SLC24A2: variants seen among roughly 807,000 people sequenced by gnomAD.
The protein encoded by SLC24A2 is solute carrier family 24 member 2.
SLC24A2 carries 36 observed loss-of-function variants against 62.0 expected under a neutral mutation model. The observed-to-expected ratio is 0.58, with a 90% confidence interval of 0.44 to 0.77. The LOEUF (loss-of-function observed/expected upper bound fraction) is 0.77. Among genes scored for constraint, SLC24A2 ranks in the 30% least tolerant of loss-of-function variants. The pLI is 0.00. For missense variants in SLC24A2, 846 were observed against 817.9 expected, an observed-to-expected ratio of 1.03 and a Z score of -0.42; for synonymous variants, 358 against 294.0, an observed-to-expected ratio of 1.22 and a Z score of -2.23.
At chr9:19,554,799 G>C (rs1835001745) in intron 7 of SLC24A2, among the ~76,000 whole-genome samples, 1 of 152,112 alleles carries the variant, frequency 6.6e-6, no homozygotes, top group African/African-American at 2.4e-5. Context: ...CAATATATGA[G>C]GCTCTGAGTT....
intron 2 of SLC24A2, among the ~76,000 whole-genome samples, chr9:19,715,561 G>T (rs1293625073): frequency 6.6e-6 from 1 of 152,086 alleles, no homozygotes; most frequent in Non-Finnish European, 1.5e-5. Context: ...TCTGAAAGTC[G>T]AAAGTTTTAT....
the SLC24A2 span, among the ~76,000 whole-genome samples, chr9:20,229,979 T>C: frequency 2.7e-5 from 4 of 150,812 alleles, no homozygotes; most frequent in Non-Finnish European, 2.9e-5. Context: ...TGAGAACATG[T>C]GGTGTTTGGT....
In SLC24A2 at chr9:19,754,141, A is replaced by C. The variant is rs149470870; in HGVS notation, c.930+31796T>G. Among the ~76,000 whole-genome samples the C allele has an allele frequency of 6.3e-4, 96 of 152,338 alleles. No homozygotes were observed. The East Asian group carries it at 0.011, about 17-fold the overall frequency. On this transcript the variant is annotated intron_variant, in intron 2 of 10. Coordinates refer to ENST00000341998, the MANE Select transcript of SLC24A2 (RefSeq NM_020344.4). ...CAGCTTTCACCAAGGTAAGCCACTG[A>C]ATGAATTCCTCAGAGATTCTGTCAA...
At chr9:19,983,237 CAT>C in the SLC24A2 span, among the ~76,000 whole-genome samples, 1 of 152,288 alleles carries the variant, frequency 6.6e-6, no homozygotes, top group Admixed American at 6.5e-5. Context: ...TCACAGATGA[CAT>C]GTTCCTATTT....
At chr9:20,247,898 GAAT>G in the SLC24A2 span, among the ~76,000 whole-genome samples, 13 of 152,090 alleles carry the variant, frequency 8.5e-5, no homozygotes, top group African/African-American at 2.4e-4. Flanking sequence ...TGTGAATTGG[GAAT>G]AATAATAATA....
At chr9:20,305,549 A>C in the SLC24A2 span, among the ~76,000 whole-genome samples, 1 of 152,198 alleles carries the variant, frequency 6.6e-6, no homozygotes, top group African/African-American at 2.4e-5. Flanking sequence ...AAACTCTTCA[A>C]AATGGGAGGG....
the SLC24A2 span, among the ~76,000 whole-genome samples, chr9:20,121,558 A>G: frequency 6.6e-6 from 1 of 152,182 alleles, no homozygotes; most frequent in African/African-American, 2.4e-5. Context: ...GTAGTTACCC[A>G]GGAATACAAA....
chr9:19,811,054 C>A, the SLC24A2 span, among the ~76,000 whole-genome samples: 2 of 152,098 alleles, frequency 1.3e-5, no homozygotes, highest in Non-Finnish European at 2.9e-5. Context: ...TCATTTGCCC[C>A]ACAAAATTCA....
chr9:19,857,101 G>T, the SLC24A2 span, among the ~76,000 whole-genome samples: 1 of 152,226 alleles, frequency 6.6e-6, no homozygotes, highest in Admixed American at 6.5e-5. Flanking sequence ...TAATGTTAAG[G>T]TGGTGGTAGA....
At chr9:19,995,989 G>C in the SLC24A2 span, among the ~76,000 whole-genome samples, 1 of 152,232 alleles carries the variant, frequency 6.6e-6, no homozygotes, top group African/African-American at 2.4e-5. Flanking sequence ...GGTTGGAAGA[G>C]AACCACTACT....
chr9:20,099,725 C>CAA, the SLC24A2 span, among the ~76,000 whole-genome samples: 1 of 152,206 alleles, frequency 6.6e-6, no homozygotes, highest in Non-Finnish European at 1.5e-5. Context: ...AGTAGACTAA[C>CAA]AAGACTTAAC....
chr9:19,834,405 G>A, the SLC24A2 span, among the ~76,000 whole-genome samples: 1 of 152,150 alleles, frequency 6.6e-6, no homozygotes, highest in South Asian at 2.1e-4. Context: ...TGAAAACCAT[G>A]GCATGAGAAC....
chr9:19,798,324 T>G, the SLC24A2 span, among the ~76,000 whole-genome samples: 9 of 152,212 alleles, frequency 5.9e-5, no homozygotes, highest in East Asian at 3.8e-4. Flanking sequence ...TAACATTCTT[T>G]CTTAAAATTC....
At chr9:20,200,421 G>A in the SLC24A2 span, among the ~76,000 whole-genome samples, 9 of 152,210 alleles carry the variant, frequency 5.9e-5, no homozygotes, top group Non-Finnish European at 1.2e-4. Flanking sequence ...CAGTAAAGCA[G>A]CATATGGATG....
At chr9:20,266,741 G>A in the SLC24A2 span, among the ~76,000 whole-genome samples, 30 of 152,136 alleles carry the variant, frequency 2.0e-4, no homozygotes, top group East Asian at 3.9e-4. Context: ...GGAGATTCAC[G>A]GTGCACTTTA....
the SLC24A2 span, among the ~76,000 whole-genome samples, chr9:20,076,536 GA>G: frequency 6.6e-6 from 1 of 152,154 alleles, no homozygotes; most frequent in Admixed American, 6.5e-5. Flanking sequence ...GAAGAGGCAA[GA>G]AAGACTCTCC....
chr9:19,890,988 C>T, the SLC24A2 span, among the ~76,000 whole-genome samples: 1 of 152,152 alleles, frequency 6.6e-6, no homozygotes, highest in East Asian at 1.9e-4. Context: ...CCAAGCCTAC[C>T]TTCTTCTCTG....
chr9:20,269,014 A>T, the SLC24A2 span, among the ~76,000 whole-genome samples: 1 of 152,202 alleles, frequency 6.6e-6, no homozygotes, highest in South Asian at 2.1e-4. Flanking sequence ...GTTGCTAAGA[A>T]TTATTTTTAG....
chr9:20,250,467 C>T, the SLC24A2 span, among the ~76,000 whole-genome samples: 3 of 152,214 alleles, frequency 2.0e-5, no homozygotes, highest in Non-Finnish European at 4.4e-5. Flanking sequence ...GGAGCCATAA[C>T]CACTTGATCA....
Sources: allele counts gnomAD v4.1 joint callset (sites outside exome capture counted in the v4.1 genomes callset), GRCh38; gene constraint gnomAD v4.1.1; transcripts MANE v1.5; gene names NCBI Gene and HGNC (gene_info 2026-07-23, HGNC 2026-07-21).